ATRX: variants seen among roughly 807,000 people sequenced by gnomAD.
ATRX encodes the protein ATRX chromatin remodeler.
ATRX carries 12 observed loss-of-function variants against 172.6 expected under a neutral mutation model. The ratio of observed to expected loss-of-function variants is 0.07; its 90% CI spans 0.04 to 0.11. The LOEUF (loss-of-function observed/expected upper bound fraction) is 0.11. Among genes scored for constraint, ATRX ranks in the 10% least tolerant of loss-of-function variants. The pLI is 1.00. For missense variants in ATRX, 1,368 were observed against 1,767.4 expected (o/e 0.77, Z 4.05); for synonymous variants, 674 against 594.7 (o/e 1.13, Z -1.94).
chrX:77,665,214 T>C (rs782582208), intron 10 of ATRX, among the ~76,000 whole-genome samples: 1 of 112,384 alleles, frequency 8.9e-6, no homozygotes, highest in African/African-American at 3.2e-5. Context: ...CAGCAAAATA[T>C]ATTCTTGGAA....
chrX:77,509,771 C>G (rs886942858), intron 34 of ATRX, among the ~76,000 whole-genome samples: 24 of 111,184 alleles, frequency 2.2e-4, no homozygotes, highest in African/African-American at 7.9e-4. Flanking sequence ...CCTATCCCAG[C>G]AGGCAGAACC....
rs782501839 is a variant in ATRX at position 77,562,833 on chromosome X, C to A, written c.6327-3987G>T. 5.3e-5 allele frequency among the ~76,000 whole-genome samples: 6 copies of A among 112,311 alleles called. No homozygotes were observed. The South Asian group carries it at 2.2e-3, about 42-fold the overall frequency. On this transcript the variant is annotated intron_variant, in intron 28 of 34. Transcript: ENST00000373344. ...AAGCCCTGGGATTGCAGGCCTGAGC[C>A]ACTAGCCTCACCTAAATTACATTTC...
chrX:77,590,084 T>A (rs1466160128), intron 26 of ATRX, 144 bp from the exon 27 acceptor site: 22 of 522,856 alleles, frequency 4.2e-5, no homozygotes, highest in Middle Eastern at 5.7e-4. Flanking sequence ...GATTGTAAAA[T>A]GTATATGAGA....
chrX:77,748,484 C>T (rs2075171021), intron 1 of ATRX, among the ~76,000 whole-genome samples: 1 of 111,899 alleles, frequency 8.9e-6, no homozygotes, highest in Non-Finnish European at 1.9e-5. Context: ...ATCTTTTATA[C>T]CTTTTGGTGT....
intron 19 of ATRX, among the ~76,000 whole-genome samples, chrX:77,625,428 A>C (rs1302772776): frequency 8.9e-6 from 1 of 112,884 alleles, no homozygotes; most frequent in Non-Finnish European, 1.9e-5. Context: ...TTTGCATGGC[A>C]AAAGGAACAG....
intron 1 of ATRX, among the ~76,000 whole-genome samples, chrX:77,777,191 TAAAAAAAA>T (rs782165810): frequency 1.9e-4 from 4 of 21,042 alleles, no homozygotes; most frequent in African/African-American, 3.6e-4. Context: ...CTGTCTCTAC[TAAAAAAAA>T]AAAAAAAAAA....
chrX:77,601,248 T>C, intron 22 of ATRX, among the ~76,000 whole-genome samples: 1 of 110,301 alleles, frequency 9.1e-6, no homozygotes, highest in Non-Finnish European at 1.9e-5. Flanking sequence ...GGAGGACCGC[T>C]TGAGGCCAGG....
At chrX:77,695,878 T>A (rs2072159243) in intron 5 of ATRX, among the ~76,000 whole-genome samples, 1 of 111,575 alleles carries the variant, frequency 9.0e-6, no homozygotes, top group Non-Finnish European at 1.9e-5. Flanking sequence ...GCCAAGAGAC[T>A]ACAACATATT....
In ATRX at chrX:77,523,247, A is replaced by G; in HGVS notation, c.6849+5T>C. On this transcript the variant is annotated splice_donor_5th_base_variant and intron_variant, in intron 31 of 34. Coordinates refer to ENST00000373344, the MANE Select transcript of ATRX (RefSeq NM_000489.6). ...AAAAACAAAAACACATTTTGCATCA[A>G]CTACCTTCTTCTCTGCTTCATACTC... The G allele has an allele frequency of 4.1e-6, 5 of 1,210,599 alleles. No homozygotes were observed. Among genetic ancestry groups the G allele is most frequent in the Non-Finnish European group, 5.6e-6 (5 of 894,964 alleles).
chrX:77,677,021 C>A lies in ATRX; in HGVS notation c.3737-723G>T, dbSNP rs371001161. Among the ~76,000 whole-genome samples the A allele has an allele frequency of 3.0e-4, 33 of 109,322 alleles. 1 individual carries two copies. In the East Asian group the frequency reaches 3.7e-3, roughly 12 times the overall value. The allele number at this position is 109,322 out of a possible 115,157, so 94.9% of individuals were successfully genotyped here. On this transcript the variant is annotated intron_variant, in intron 9 of 34. Transcript: ENST00000373344. ...CCTGTAATCCCAGCTACTAGGGAGG[C>A]TGAGGCAGGAGAATCACTTGAACCT...
chrX:77,590,432 A>C (rs1489961865), intron 26 of ATRX, among the ~76,000 whole-genome samples: 1 of 109,298 alleles, frequency 9.1e-6, no homozygotes, highest in African/African-American at 3.3e-5. Context: ...AACACGGTGA[A>C]ATTCCGTCTC....
At chrX:77,510,872 G>C (rs1279220782) in intron 34 of ATRX, among the ~76,000 whole-genome samples, 1 of 112,780 alleles carries the variant, frequency 8.9e-6, no homozygotes, top group Non-Finnish European at 1.9e-5. Context: ...GAAATCTGCA[G>C]CCCAGAAGGG....
chrX:77,722,401 G>T (rs1203240744), intron 1 of ATRX, among the ~76,000 whole-genome samples: 1 of 110,290 alleles, frequency 9.1e-6, no homozygotes, highest in African/African-American at 3.3e-5. Context: ...GAGTGAACAG[G>T]CAACCTACAG....
chrX:77,579,186 T>A (rs782157823), intron 27 of ATRX, among the ~76,000 whole-genome samples: 2 of 112,569 alleles, frequency 1.8e-5, no homozygotes, highest in Admixed American at 1.9e-4. Context: ...CCAGAAAGCA[T>A]CTCTATACCC....
In ATRX at chrX:77,683,515, T is replaced by G. The variant is rs782166205; in HGVS notation, c.1741A>C (p.Lys581Gln). The change falls in exon 9 of 35, where the codon AAA (lysine) becomes CAA (glutamine). Residue 581 changes from lysine to glutamine, a missense_variant. Lys to Gln is a moderately conservative substitution (Grantham distance 53, BLOSUM62 1). Around this residue, in one of 17 missense-constraint regions of ATRX, gnomAD observed 843 missense variants for 643.1 expected, o/e 1.31. Coordinates refer to ENST00000373344, the MANE Select transcript of ATRX (RefSeq NM_000489.6). Reference protein sequence around the residue: ...RGGIKSKTTAKVTKELYVKLT... With the variant: ...RGGIKSKTTAQVTKELYVKLT... The stretch of plus-strand genomic sequence containing the variant: ...TTAACATATAATTCTTTTGTTACTT[T>G]AGCTGTAGTTTTTGATTTAATACCT... The G allele has an allele frequency of 1.7e-6, 2 of 1,208,519 alleles. No homozygotes were observed. Among genetic ancestry groups the G allele is most frequent in the Non-Finnish European group, 2.2e-6 (2 of 892,621 alleles).
At chrX:77,533,886 T>G (rs2063665123) in intron 30 of ATRX, among the ~76,000 whole-genome samples, 1 of 112,381 alleles carries the variant, frequency 8.9e-6, no homozygotes, top group African/African-American at 3.2e-5. Context: ...CCTTCATCAT[T>G]TCTAATAGCT....
At chrX:77,663,916 A>G (rs782055879) in intron 11 of ATRX, among the ~76,000 whole-genome samples, 1 of 111,176 alleles carries the variant, frequency 9.0e-6, no homozygotes, top group South Asian at 3.8e-4. Flanking sequence ...AGCCTGATCA[A>G]CATGGAGAAA....
At chrX:77,709,036 G>A (rs1055039053) in intron 2 of ATRX, among the ~76,000 whole-genome samples, 5 of 111,860 alleles carry the variant, frequency 4.5e-5, no homozygotes, top group East Asian at 2.8e-4. Flanking sequence ...GCCAGACCCC[G>A]TCTCTACAGA....
chrX:77,542,027 T>A (rs1410217120), intron 30 of ATRX, among the ~76,000 whole-genome samples: 1 of 111,859 alleles, frequency 8.9e-6, no homozygotes, highest in African/African-American at 3.2e-5. Flanking sequence ...AAAGTCAAAT[T>A]GTCTGTTTGC....
Sources: gnomAD v4.1 joint callset for allele counts (sites outside exome capture counted in the v4.1 genomes callset) on GRCh38, gnomAD v4.1.1 for gene constraint, gnomAD v4.1.1 regional missense constraint, MANE v1.5 for transcripts, NCBI Gene and HGNC (gene_info 2026-07-23, HGNC 2026-07-21) for gene names.